The following OXR1 variants were observed in gnomAD, a reference collection of about 807,000 sequenced individuals.
The protein encoded by OXR1 is oxidation resistance protein 1.
Under a neutral mutation model 104.6 loss-of-function variants are expected in OXR1, and 41 were observed. The observed-to-expected ratio is 0.39, with a 90% CI of 0.31 to 0.51. The LOEUF (loss-of-function observed/expected upper bound fraction) is 0.51. OXR1 is among the 20% of genes least tolerant of loss of function. The probability of loss-of-function intolerance (pLI) is 0.77; values close to 1 mark genes in which losing one functional copy is unlikely to be tolerated. For missense variants in OXR1, 955 were observed against 1,031.9 expected (o/e 0.93, Z 1.02); for synonymous variants, 348 against 348.4 (o/e 1.00, Z 0.01).
At chr8:106,657,997 T>G (rs1474330962) in intron 3 of OXR1, 3 of 1,248,094 alleles carry the variant, frequency 2.4e-6, no homozygotes, top group Non-Finnish European at 3.0e-6. Context: ...ATGGACTACC[T>G]GACGACGTTC....
intron 11 of OXR1, among the ~76,000 whole-genome samples, chr8:106,724,653 G>A (rs972049779): frequency 6.6e-6 from 1 of 152,158 alleles, no homozygotes; most frequent in African/African-American, 2.4e-5. Flanking sequence ...AAATACTCCA[G>A]GTGATATTGA....
intron 1 of OXR1, among the ~76,000 whole-genome samples, chr8:106,351,237 T>C (rs974709836): frequency 6.6e-6 from 1 of 152,208 alleles, no homozygotes; most frequent in South Asian, 2.1e-4. Flanking sequence ...TGCTAGGCCA[T>C]AAGTTTGCAA....
chr8:106,551,914 A>G (rs1257291890), intron 3 of OXR1, among the ~76,000 whole-genome samples: 19 of 147,312 alleles, frequency 1.3e-4, no homozygotes. Context: ...TTATATATAT[A>G]TAGCGGCCAT....
intron 2 of OXR1, among the ~76,000 whole-genome samples, chr8:106,410,167 G>A (rs962757587): frequency 2.0e-5 from 3 of 152,120 alleles, no homozygotes; most frequent in African/African-American, 4.8e-5. Flanking sequence ...CCATTTCTAC[G>A]AGGAAAAGAA....
At chr8:106,639,794 T>G (rs1586946800) in intron 3 of OXR1, among the ~76,000 whole-genome samples, 2 of 152,184 alleles carry the variant, frequency 1.3e-5, no homozygotes, top group African/African-American at 2.4e-5. Flanking sequence ...GAAGAATTGA[T>G]GTATCATTCC....
chr8:106,405,490 T>C (rs1348358978), intron 2 of OXR1, among the ~76,000 whole-genome samples: 2 of 152,120 alleles, frequency 1.3e-5, no homozygotes, highest in Non-Finnish European at 2.9e-5. Context: ...TTCCCTTGAA[T>C]AGGGGCAGAC....
At chr8:106,710,376 T>C in intron 9 of OXR1, among the ~76,000 whole-genome samples, 1 of 152,100 alleles carries the variant, frequency 6.6e-6, no homozygotes, top group Non-Finnish European at 1.5e-5. Flanking sequence ...TTTTACTTTT[T>C]TTCTTAATGT....
intron 2 of OXR1, among the ~76,000 whole-genome samples, chr8:106,425,083 G>GTTT (rs748444311): frequency 1.8e-4 from 15 of 83,646 alleles, no homozygotes; most frequent in Admixed American, 4.2e-4. Flanking sequence ...GTTTGGTTTG[G>GTTT]TTTTTTTTTT....
chr8:106,556,009 A>C (rs1357953869), intron 3 of OXR1, among the ~76,000 whole-genome samples: 2 of 150,780 alleles, frequency 1.3e-5, no homozygotes, highest in Non-Finnish European at 3.0e-5. Flanking sequence ...TGATGTAAAT[A>C]AAACTTGAAA....
At chr8:106,461,426 C>A (rs1421025413) in intron 2 of OXR1, among the ~76,000 whole-genome samples, 2 of 151,946 alleles carry the variant, frequency 1.3e-5, no homozygotes, top group African/African-American at 4.8e-5. Flanking sequence ...CAAAAATTAG[C>A]CAGGCATGGT....
intron 4 of OXR1, among the ~76,000 whole-genome samples, chr8:106,680,979 A>G (rs1250742981): frequency 6.6e-6 from 1 of 152,254 alleles, no homozygotes; most frequent in African/African-American, 2.4e-5. Flanking sequence ...CATTCAATCC[A>G]TGAATGTCTT....
intron 11 of OXR1, among the ~76,000 whole-genome samples, chr8:106,715,520 C>T (rs1832154672): frequency 6.6e-6 from 1 of 151,130 alleles, no homozygotes; most frequent in African/African-American, 2.4e-5. Context: ...TAAAATAGCC[C>T]AGGTGATCAA....
chr8:106,337,640 A>G (rs147628728), intron 1 of OXR1, among the ~76,000 whole-genome samples: 29 of 152,354 alleles, frequency 1.9e-4, no homozygotes, highest in Non-Finnish European at 3.1e-4. Context: ...AAACATTGTC[A>G]GAATGTGTTA....
In OXR1 at chr8:106,270,248, C is replaced by T. The variant is rs1811734754; in HGVS notation, c.-258C>T. On this transcript the variant is annotated 5_prime_UTR_variant, in exon 1 of 17. Coordinates refer to ENST00000517566, the MANE Select transcript of OXR1 (RefSeq NM_001198533.2). ...TGGGCTGCGTCAGGCTGAGCCCATT[C>T]ACCTCGCGGCCACAGGAGCTCAGCG... is the stretch of plus-strand genomic sequence containing the variant. 6.6e-6 allele frequency: 1 copy of T among 151,968 alleles called. No homozygotes were observed. Among genetic ancestry groups the T allele is most frequent in the African/African-American group, 2.4e-5 (1 of 41,410 alleles). The allele number at this position is 151,968 out of a possible 1,614,324, so 9.4% of individuals were successfully genotyped here.
At chr8:106,311,993 A>C (rs1813720409) in intron 1 of OXR1, among the ~76,000 whole-genome samples, 1 of 150,644 alleles carries the variant, frequency 6.6e-6, no homozygotes. Context: ...CCTCATCTTC[A>C]CCTACACCCC....
intron 3 of OXR1, among the ~76,000 whole-genome samples, chr8:106,634,344 A>G (rs1158112341): frequency 6.6e-6 from 1 of 152,190 alleles, no homozygotes; most frequent in African/African-American, 2.4e-5. Flanking sequence ...ATTTTAGAAG[A>G]AAGGTCCCAG....
At chr8:106,425,580 T>TTCTTTC (rs1470506352) in intron 2 of OXR1, among the ~76,000 whole-genome samples, 1 of 152,154 alleles carries the variant, frequency 6.6e-6, no homozygotes, top group Non-Finnish European at 1.5e-5. Flanking sequence ...TCTGGGATGG[T>TTCTTTC]AAAAGGGACA....
intron 6 of OXR1, among the ~76,000 whole-genome samples, chr8:106,686,830 A>G (rs1487855844): frequency 2.0e-5 from 3 of 152,186 alleles, no homozygotes; most frequent in Admixed American, 1.3e-4. Context: ...GAGAATTTCC[A>G]TGGAAAACTA....
Position 106,385,291 on chromosome 8 carries a change from G to A in OXR1, c.23+25655G>A, listed in dbSNP as rs1219316022. 5.3e-5 allele frequency among the ~76,000 whole-genome samples: 8 copies of A among 152,178 alleles called. No individual in the cohort carries two copies. The East Asian group carries it at 1.5e-3, about 29-fold the overall frequency. ...GACAATTCCTTTCCATTCTTCAAAA[G>A]CAACATTGCAAAAGAAAGCTGGAGG... On this transcript the variant is annotated intron_variant, in intron 2 of 16. Coordinates refer to ENST00000517566, the MANE Select transcript of OXR1 (RefSeq NM_001198533.2).
Sources: allele counts gnomAD v4.1 joint callset (sites outside exome capture counted in the v4.1 genomes callset), GRCh38; gene constraint gnomAD v4.1.1; transcripts MANE v1.5; gene names NCBI Gene and HGNC (gene_info 2026-07-23, HGNC 2026-07-21).